Variants in DGKK observed in about 807,000 individuals in gnomAD.
The protein encoded by DGKK is 142 kDa diacylglycerol kinase.
DGKK carries 35 observed loss-of-function variants against 92.2 expected under a neutral mutation model. The ratio of observed to expected loss-of-function variants is 0.38; its 90% confidence interval spans 0.29 to 0.50. The LOEUF is 0.50. Among genes scored for constraint, DGKK ranks in the 20% least tolerant of loss-of-function variants. The probability of loss-of-function intolerance (pLI) is 0.92; values close to 1 mark genes in which losing one functional copy is unlikely to be tolerated. For synonymous variants in DGKK, 368 were observed against 360.6 expected (o/e 1.02, Z -0.23); for missense variants, 910 against 992.2 (o/e 0.92, Z 1.11).
chrX:50,463,659 CT>C (rs2147153752), intron 1 of DGKK, among the ~76,000 whole-genome samples: 1 of 107,375 alleles, frequency 9.3e-6, no homozygotes, highest in Admixed American at 1.0e-4. Context: ...CTTTCTCCCT[CT>C]CTCCTTCTCT....
chrX:50,470,777 G>A lies in DGKK; in HGVS notation c.-99C>T. On this transcript the variant is annotated 5_prime_UTR_variant, in exon 1 of 28. It introduces an in-frame stop codon into an upstream open reading frame of the 5' UTR. Coordinates refer to ENST00000611977, the MANE Select transcript of DGKK (RefSeq NM_001013742.4). ...GCCCACTCCAGTCCGGCAGCCCCTC[G>A]CAGGGTGCCAAACTTTCCCCCATCC... is the stretch of plus-strand genomic sequence containing the variant. The A allele has an allele frequency of 1.0e-6, 1 of 976,614 alleles. No homozygotes were observed. The highest frequency in any genetic ancestry group is 1.3e-6 in the Non-Finnish European group (1 of 743,323). 80.5% of individuals were successfully genotyped at this position (976,614 alleles called of 1,213,427 possible).
Position 50,379,720 on chromosome X carries a change from G to C in DGKK, c.2769C>G (p.Thr923=), listed in dbSNP as rs781879333. Residue 923 remains threonine, a synonymous_variant, in exon 20 of 28, where the codon ACC becomes ACG. Transcript: ENST00000611977. The stretch of plus-strand genomic sequence containing the variant: ...TGCCTTGCAGGTTTGGCAAGGAGAT[G>C]GTTTCTCCATCACACTGAAAGAAAA... ...ERVHLECDGE[T]ISLPNLQGIV... is the part of the protein sequence containing the mutation. 2 of 1,206,474 alleles carry C rather than the reference G, an allele frequency of 1.7e-6. No homozygotes were observed. Among genetic ancestry groups the C allele is most frequent in the Non-Finnish European group, 2.2e-6 (2 of 890,928 alleles).
chrX:50,375,944 C>A, intron 24 of DGKK, 80 bp downstream of exon 24: 1 of 1,108,585 alleles, frequency 9.0e-7, no homozygotes, highest in African/African-American at 1.8e-5. Context: ...TCCGTCCAGC[C>A]TCCGGCTCCA....
chrX:50,404,226 C>T (rs1557226993), intron 4 of DGKK, 42 bp from the exon 5 acceptor site: 1 of 1,170,860 alleles, frequency 8.5e-7, no homozygotes, highest in Non-Finnish European at 1.1e-6. Flanking sequence ...GGATGAATCA[C>T]AGAGACGGAT....
In DGKK at chrX:50,382,509, G is replaced by C. The variant is rs781878595; in HGVS notation, c.2644C>G (p.Pro882Ala). The change falls in exon 18 of 28, where the codon CCA becomes GCA. Residue 882 changes from proline to alanine, a missense_variant. Transcript: ENST00000611977. Reference protein sequence around the residue: ...LDFNTRRDEHPGQYNSRLKNK... With the variant: ...LDFNTRRDEHAGQYNSRLKNK... ...TCTTTTCCTTACTTGTATTGCCCTGGGTGTTCATCTCTTCTGGTGTTGAAG... is the reference window on the plus strand; with the variant it reads ...TCTTTTCCTTACTTGTATTGCCCTGCGTGTTCATCTCTTCTGGTGTTGAAG... 9.1e-6 allele frequency: 11 copies of C among 1,204,336 alleles called. No individual in the cohort carries two copies. The Admixed American group carries it at 1.8e-4, about 19-fold the overall frequency.
chrX:50,451,683 GA>G (rs1255003109), intron 1 of DGKK, among the ~76,000 whole-genome samples: 4 of 111,442 alleles, frequency 3.6e-5, no homozygotes, highest in Admixed American at 9.6e-5. Context: ...ACTTTTCTAT[GA>G]AAAATTATGG....
intron 15 of DGKK, among the ~76,000 whole-genome samples, 194 bp downstream of exon 15, chrX:50,386,164 A>G (rs1924538428): frequency 9.0e-6 from 1 of 111,543 alleles, no homozygotes; most frequent in African/African-American, 3.3e-5. Flanking sequence ...GGAGGAGCCA[A>G]AGGGGCAGCT....
intron 10 of DGKK, 64 bp downstream of exon 10, chrX:50,392,277 G>T: frequency 1.1e-6 from 1 of 870,631 alleles, no homozygotes; most frequent in Non-Finnish European, 1.7e-6. Flanking sequence ...GACTTCTTGG[G>T]ATGGGCAGCT....
chrX:50,366,303 C>T lies in DGKK; in HGVS notation c.*2637G>A, dbSNP rs1923973400. 1 of 111,901 alleles carries T rather than the reference C, an allele frequency of 8.9e-6. No homozygotes were observed. Among genetic ancestry groups the T allele is most frequent in the African/African-American group, 3.2e-5 (1 of 30,770 alleles). 9.2% of individuals were successfully genotyped at this position (111,901 alleles called of 1,213,427 possible). A position where few individuals can be genotyped will look rare whatever the true frequency, so the allele number is the denominator to read the frequency against. The stretch of plus-strand genomic sequence containing the variant: ...AGCTATCTTCCTTTTTGGGAAACTA[C>T]TGGTAACTTAGCAATTTAGGAGGTA... On this transcript the variant is annotated 3_prime_UTR_variant, in exon 28 of 28. Transcript: ENST00000611977.
intron 1 of DGKK, among the ~76,000 whole-genome samples, chrX:50,448,292 C>A (rs781785247): frequency 1.5e-3 from 165 of 110,499 alleles, no homozygotes; most frequent in Non-Finnish European, 2.8e-3. Flanking sequence ...GCTATTTGAT[C>A]TTCTGGGAGC....
chrX:50,387,015 A>G (rs1171148127), intron 14 of DGKK, among the ~76,000 whole-genome samples: 3 of 111,158 alleles, frequency 2.7e-5, no homozygotes, highest in African/African-American at 6.5e-5. Context: ...TTGGGGACCT[A>G]CATCTGCTGC....
chrX:50,461,414 T>C (rs1926741989), intron 1 of DGKK, among the ~76,000 whole-genome samples: 2 of 112,092 alleles, frequency 1.8e-5, no homozygotes, highest in African/African-American at 6.5e-5. Context: ...AAATGAAAAA[T>C]ATAGCAAAAT....
intron 1 of DGKK, among the ~76,000 whole-genome samples, chrX:50,451,527 A>G (rs1184994841): frequency 1.8e-5 from 2 of 111,310 alleles, no homozygotes; most frequent in Non-Finnish European, 3.8e-5. Flanking sequence ...GAAATTATAT[A>G]TTTATATACA....
chrX:50,443,247 C>G (rs782411382), intron 1 of DGKK, among the ~76,000 whole-genome samples: 30 of 110,631 alleles, frequency 2.7e-4, no homozygotes, highest in Non-Finnish European at 5.5e-4. Context: ...AACACACCAA[C>G]AATTCTACCC....
intron 2 of DGKK, among the ~76,000 whole-genome samples, chrX:50,423,379 C>T (rs781978095): frequency 5.4e-5 from 6 of 111,613 alleles, no homozygotes; most frequent in Non-Finnish European, 1.1e-4. Flanking sequence ...AGTAGGGGAG[C>T]TGACAGCCCT....
At chrX:50,389,657 G>A (rs935989554) in intron 12 of DGKK, among the ~76,000 whole-genome samples, 1 of 111,528 alleles carries the variant, frequency 9.0e-6, no homozygotes, top group Non-Finnish European at 1.9e-5. Context: ...GGTTTATCAG[G>A]CCCTTTCTGG....
At chrX:50,400,765 G>T (rs1207487430) in intron 8 of DGKK, among the ~76,000 whole-genome samples, 1 of 111,280 alleles carries the variant, frequency 9.0e-6, no homozygotes, top group Non-Finnish European at 1.9e-5. Context: ...CCAGTGTTTG[G>T]AAATCATGAA....
At chrX:50,434,022 C>G (rs782150731) in intron 1 of DGKK, among the ~76,000 whole-genome samples, 5 of 110,925 alleles carry the variant, frequency 4.5e-5, no homozygotes, top group African/African-American at 1.6e-4. Context: ...CATAAGCTAC[C>G]AGAGAAGAAG....
chrX:50,417,846 A>C (rs1925476706), intron 4 of DGKK, among the ~76,000 whole-genome samples: 1 of 110,977 alleles, frequency 9.0e-6, no homozygotes, highest in African/African-American at 3.3e-5. Flanking sequence ...TACTTTGAAC[A>C]CATTGCAAAT....
Sources: allele counts gnomAD v4.1 joint callset (sites outside exome capture counted in the v4.1 genomes callset), GRCh38; gene constraint gnomAD v4.1.1; transcripts MANE v1.5; gene names NCBI Gene and HGNC (gene_info 2026-07-23, HGNC 2026-07-21).